GRHL2: variants seen among roughly 807,000 people sequenced by gnomAD.
The protein encoded by GRHL2 is grainyhead-like protein 2 homolog.
Under a neutral mutation model 83.8 loss-of-function variants are expected in GRHL2, and 21 were observed. That is an observed-to-expected ratio of 0.25 (90% CI 0.18 to 0.36). GRHL2 has a LOEUF of 0.36. Ranked by LOEUF, GRHL2 falls within the 10% of genes least tolerant of loss-of-function variation. GRHL2 has a pLI of 1.00. For missense variants in GRHL2, 623 were observed against 781.8 expected (o/e 0.80, Z 2.42); for synonymous variants, 280 against 278.9 (o/e 1.00, Z -0.04).
chr8:101,536,096 A>G (rs1463017588), intron 1 of GRHL2, among the ~76,000 whole-genome samples: 1 of 152,196 alleles, frequency 6.6e-6, no homozygotes, highest in African/African-American at 2.4e-5. Context: ...GTATAGAAGT[A>G]AGAATGGGCA....
In GRHL2 at chr8:101,624,767, A is replaced by G. The variant is rs541086362; in HGVS notation, c.1257+5070A>G. Reference sequence around the variant, plus strand: ...CAGTTTCCAGAGGCCTGTTAACTCAATAGACACAGTTGAATAGAAATGGTG... The same window carrying G: ...CAGTTTCCAGAGGCCTGTTAACTCAGTAGACACAGTTGAATAGAAATGGTG... On this transcript the variant is annotated intron_variant, in intron 9 of 15. Transcript: ENST00000646743. Among the ~76,000 whole-genome samples the G allele has an allele frequency of 1.0e-3, 156 of 152,308 alleles. 2 individuals are homozygous for G. Among genetic ancestry groups the G allele is most frequent in the African/African-American group, 3.6e-3 (148 of 41,562 alleles).
intron 1 of GRHL2, among the ~76,000 whole-genome samples, chr8:101,521,363 T>C (rs2130046051): frequency 6.6e-6 from 1 of 152,290 alleles, no homozygotes. Flanking sequence ...TCCACACAAA[T>C]GTGGTGATAA....
chr8:101,602,364 G>A (rs1281328673), intron 8 of GRHL2, among the ~76,000 whole-genome samples: 1 of 152,216 alleles, frequency 6.6e-6, no homozygotes, highest in Non-Finnish European at 1.5e-5. Context: ...AGTTGCATTT[G>A]CATTCAAATT....
At chr8:101,520,350 T>G (rs531567228) in intron 1 of GRHL2, among the ~76,000 whole-genome samples, 1 of 152,172 alleles carries the variant, frequency 6.6e-6, no homozygotes, top group African/African-American at 2.4e-5. Context: ...GTTATCTGAA[T>G]AAAGAAAATG....
At chr8:101,677,472 G>A in the GRHL2 span, among the ~76,000 whole-genome samples, 6 of 151,620 alleles carry the variant, frequency 4.0e-5, no homozygotes, top group African/African-American at 1.2e-4. Context: ...TTCTATGTTC[G>A]GCTGCCACTA....
At chr8:101,581,539 G>T (rs1363333537) in intron 7 of GRHL2, among the ~76,000 whole-genome samples, 1 of 152,152 alleles carries the variant, frequency 6.6e-6, no homozygotes, top group Non-Finnish European at 1.5e-5. Flanking sequence ...AATTAAATTT[G>T]TCATTTGATT....
chr8:101,581,387 C>G (rs1419069544), intron 7 of GRHL2, among the ~76,000 whole-genome samples: 1 of 152,178 alleles, frequency 6.6e-6, no homozygotes, highest in Non-Finnish European at 1.5e-5. Context: ...AACACATAAG[C>G]AAAGTTCTCT....
At chr8:101,510,627 A>G (rs1162101688) in intron 1 of GRHL2, among the ~76,000 whole-genome samples, 1 of 151,400 alleles carries the variant, frequency 6.6e-6, no homozygotes, top group Non-Finnish European at 1.5e-5. Context: ...ATTAAAAAAT[A>G]TATGTTATTA....
At chr8:101,541,340 C>T (rs186565969) in intron 1 of GRHL2, among the ~76,000 whole-genome samples, 16 of 152,046 alleles carry the variant, frequency 1.1e-4, no homozygotes, top group East Asian at 5.8e-4. Context: ...AAATACCTAG[C>T]GATGGGATTG....
intron 14 of GRHL2, among the ~76,000 whole-genome samples, chr8:101,659,024 A>C (rs963880040): frequency 5.9e-5 from 9 of 152,244 alleles, no homozygotes; most frequent in Admixed American, 2.6e-4. Context: ...AGATGTATAA[A>C]ATAAAATACA....
At chr8:101,652,249 TAA>T (rs1813638059) in intron 14 of GRHL2, among the ~76,000 whole-genome samples, 1 of 151,996 alleles carries the variant, frequency 6.6e-6, no homozygotes, top group African/African-American at 2.4e-5. Flanking sequence ...GTGTATAATA[TAA>T]ATATACACAA....
At chr8:101,627,112 A>G (rs942595408) in intron 9 of GRHL2, among the ~76,000 whole-genome samples, 2 of 152,114 alleles carry the variant, frequency 1.3e-5, no homozygotes, top group African/African-American at 2.4e-5. Context: ...CTGAAAAATA[A>G]GCAAGTGATT....
intron 14 of GRHL2, among the ~76,000 whole-genome samples, chr8:101,652,758 A>T (rs1813699731): frequency 6.6e-6 from 1 of 152,114 alleles, no homozygotes. Flanking sequence ...TTAAAATGGA[A>T]ATAATAATAC....
chr8:101,503,961 C>T (rs1325063627), intron 1 of GRHL2, among the ~76,000 whole-genome samples: 2 of 152,038 alleles, frequency 1.3e-5, no homozygotes, highest in East Asian at 3.8e-4. Flanking sequence ...TGTGAGCTTG[C>T]ACTGCTTTTG....
At chr8:101,558,929 A>T (rs1056217988) in intron 4 of GRHL2, 117 bp downstream of exon 4, 1 of 1,146,482 alleles carries the variant, frequency 8.7e-7, no homozygotes, top group Non-Finnish European at 1.3e-6. Context: ...AGCTTCAATT[A>T]GTTTTTTAAA....
intron 8 of GRHL2, among the ~76,000 whole-genome samples, chr8:101,608,672 C>T (rs1812679647): frequency 1.3e-5 from 2 of 151,492 alleles, no homozygotes; most frequent in South Asian, 4.2e-4. Context: ...TACCACTTAC[C>T]CTTTACCTAG....
At chr8:101,534,104 A>G (rs190627440) in intron 1 of GRHL2, among the ~76,000 whole-genome samples, 340 of 152,290 alleles carry the variant, frequency 2.2e-3, no homozygotes, top group Non-Finnish European at 4.0e-3. Flanking sequence ...ACCTATTAGG[A>G]AACTGTATTC....
chr8:101,492,706 G>C lies in GRHL2; in HGVS notation c.-64G>C. Reference sequence around the variant, plus strand: ...CACACACCTTCACCTGCACAGACTTGAAAGTCCAGTTTCACCAGAGGCTGA... The same window carrying C: ...CACACACCTTCACCTGCACAGACTTCAAAGTCCAGTTTCACCAGAGGCTGA... On this transcript the variant is annotated 5_prime_UTR_variant, in exon 1 of 16. Transcript: ENST00000646743. 1 of 1,466,302 alleles carries C rather than the reference G, an allele frequency of 6.8e-7. No individual in the cohort carries two copies. Among genetic ancestry groups the C allele is most frequent in the Non-Finnish European group, 9.6e-7 (1 of 1,044,836 alleles). 90.8% of individuals were successfully genotyped at this position (1,466,302 alleles called of 1,614,324 possible).
At chr8:101,644,480 A>G (rs925631409) in intron 13 of GRHL2, among the ~76,000 whole-genome samples, 6 of 152,238 alleles carry the variant, frequency 3.9e-5, no homozygotes, top group African/African-American at 1.2e-4. Context: ...AGACTCATCC[A>G]GCAGCAAGGT....
Sources: gnomAD v4.1 joint callset for allele counts (sites outside exome capture counted in the v4.1 genomes callset) on GRCh38, gnomAD v4.1.1 for gene constraint, MANE v1.5 for transcripts, NCBI Gene and HGNC (gene_info 2026-07-23, HGNC 2026-07-21) for gene names.